The following DGKB variants were observed in gnomAD, a reference collection of about 807,000 sequenced individuals.
DGKB encodes 90 kDa diacylglycerol kinase.
DGKB carries 67 observed loss-of-function variants against 114.3 expected under a neutral mutation model. The observed-to-expected ratio is 0.59, with a 90% CI of 0.48 to 0.72. The LOEUF (loss-of-function observed/expected upper bound fraction) is 0.72, where lower values mean the gene tolerates loss of function less well. Ranked by LOEUF, DGKB falls within the 30% of genes least tolerant of loss-of-function variation. The pLI is 0.00. For synonymous variants in DGKB, 398 were observed against 323.1 expected (o/e 1.23, Z -2.49); for missense variants, 907 against 975.2 (o/e 0.93, Z 0.93).
intron 1 of DGKB, among the ~76,000 whole-genome samples, chr7:14,887,292 C>G (rs184354251): frequency 5.9e-5 from 9 of 151,934 alleles, no homozygotes; most frequent in African/African-American, 1.9e-4. Flanking sequence ...TTCTCAGCAA[C>G]AATTGACACA....
intron 21 of DGKB, among the ~76,000 whole-genome samples, chr7:14,360,909 T>C (rs1318148614): frequency 6.6e-6 from 1 of 152,132 alleles, no homozygotes; most frequent in Non-Finnish European, 1.5e-5. Context: ...AAATCAGTAA[T>C]TATGTAACAT....
chr7:14,737,167 C>T (rs1404916413), intron 4 of DGKB, among the ~76,000 whole-genome samples: 2 of 151,948 alleles, frequency 1.3e-5, no homozygotes, highest in Non-Finnish European at 2.9e-5. Context: ...GGGTTCTATC[C>T]AGTAGGGCAT....
Position 14,673,400 on chromosome 7 carries a change from CTT to C in DGKB, c.1036-375_1036-374del, listed in dbSNP as rs374138480. On this transcript the variant is annotated intron_variant, in intron 12 of 25. Coordinates refer to ENST00000402815, the MANE Select transcript of DGKB (RefSeq NM_001350709.2). ...CTTGAAACCACTGTGCCTGTGTATG[CTT>C]TTTTTTTTTTTTTTTGACCCTCCTG... 3.1e-3 allele frequency among the ~76,000 whole-genome samples: 406 copies of C among 131,006 alleles called. 2 individuals carry two copies. The highest frequency in any genetic ancestry group is 8.1e-3 in the South Asian group (34 of 4,212). The allele number at this position is 131,006 out of a possible 152,430, so 85.9% of individuals were successfully genotyped here.
chr7:14,341,814 T>A (rs1811648971), intron 22 of DGKB, among the ~76,000 whole-genome samples: 1 of 151,900 alleles, frequency 6.6e-6, no homozygotes, highest in Non-Finnish European at 1.5e-5. Flanking sequence ...ACTTAACATG[T>A]CAGTTGATAG....
chr7:14,229,626 G>A (rs1791400792), intron 23 of DGKB, among the ~76,000 whole-genome samples: 1 of 151,880 alleles, frequency 6.6e-6, no homozygotes, highest in African/African-American at 2.4e-5. Flanking sequence ...TACCACTATA[G>A]AAATGCCAGA....
At chr7:14,193,655 G>C (rs536240717) in intron 23 of DGKB, among the ~76,000 whole-genome samples, 1 of 152,228 alleles carries the variant, frequency 6.6e-6, no homozygotes, top group South Asian at 2.1e-4. Context: ...TTTTAAATAA[G>C]ATCTCAAAAG....
chr7:14,547,697 A>T (rs1794505540), intron 20 of DGKB, among the ~76,000 whole-genome samples: 1 of 152,076 alleles, frequency 6.6e-6, no homozygotes. Flanking sequence ...TGTTAAAAAA[A>T]TTCCTTAGCT....
At chr7:14,481,188 T>C (rs1377189285) in intron 20 of DGKB, among the ~76,000 whole-genome samples, 1 of 151,992 alleles carries the variant, frequency 6.6e-6, no homozygotes, top group Non-Finnish European at 1.5e-5. Context: ...TTATTAGCCA[T>C]ATGTGTCTCA....
At chr7:14,305,352 C>T (rs570613057) in intron 23 of DGKB, among the ~76,000 whole-genome samples, 11 of 152,208 alleles carry the variant, frequency 7.2e-5, no homozygotes, top group Non-Finnish European at 1.3e-4. Context: ...AATTTTTTTG[C>T]TTCTACATGT....
At chr7:14,353,010 T>A (rs1339158454) in intron 21 of DGKB, among the ~76,000 whole-genome samples, 4 of 152,192 alleles carry the variant, frequency 2.6e-5, no homozygotes, top group Admixed American at 6.5e-5. Context: ...TTAGAAAGAT[T>A]TAATGAAATG....
intron 21 of DGKB, among the ~76,000 whole-genome samples, chr7:14,351,328 A>G (rs1813387459): frequency 6.6e-6 from 1 of 152,226 alleles, no homozygotes; most frequent in African/African-American, 2.4e-5. Flanking sequence ...TTCACCAGTG[A>G]ATGAGGAGCG....
intron 23 of DGKB, among the ~76,000 whole-genome samples, chr7:14,207,497 A>G (rs894126600): frequency 6.6e-6 from 1 of 152,012 alleles, no homozygotes; most frequent in African/African-American, 2.4e-5. Flanking sequence ...TGTTGGACTC[A>G]TGCACAGAAG....
intron 23 of DGKB, among the ~76,000 whole-genome samples, chr7:14,204,371 C>CT (rs1786403911): frequency 1.3e-5 from 2 of 151,940 alleles, no homozygotes; most frequent in African/African-American, 4.8e-5. Flanking sequence ...TGCAGCTCTT[C>CT]TACACAGTTC....
chr7:14,225,668 T>C (rs781364616), intron 23 of DGKB, among the ~76,000 whole-genome samples: 2 of 151,968 alleles, frequency 1.3e-5, no homozygotes, highest in Non-Finnish European at 2.9e-5. Context: ...ATGGGTTATT[T>C]TGATCAGGTT....
At chr7:14,961,951 T>C (rs949663534) in intron 1 of DGKB, among the ~76,000 whole-genome samples, 1 of 152,114 alleles carries the variant, frequency 6.6e-6, no homozygotes, top group African/African-American at 2.4e-5. Context: ...TATTGCACAC[T>C]AATTAACCAT....
chr7:14,634,415 T>A (rs926953366), intron 13 of DGKB, among the ~76,000 whole-genome samples: 1 of 150,810 alleles, frequency 6.6e-6, no homozygotes, highest in Non-Finnish European at 1.5e-5. Flanking sequence ...GGTTTGGAAA[T>A]AAAATTATTT....
At chr7:14,749,709 GGAGT>G (rs1052758266) in intron 4 of DGKB, among the ~76,000 whole-genome samples, 3 of 152,086 alleles carry the variant, frequency 2.0e-5, no homozygotes, top group Admixed American at 2.0e-4. Context: ...CACTAGGACA[GGAGT>G]GAGTGTTACT....
chr7:14,501,596 G>A (rs1190496130), intron 20 of DGKB, among the ~76,000 whole-genome samples: 2 of 151,870 alleles, frequency 1.3e-5, no homozygotes, highest in African/African-American at 4.8e-5. Context: ...CAAGAGCTCA[G>A]AGAATCATCT....
intron 21 of DGKB, among the ~76,000 whole-genome samples, chr7:14,441,864 T>G (rs1312629031): frequency 6.6e-6 from 1 of 152,076 alleles, no homozygotes; most frequent in African/African-American, 2.4e-5. Context: ...TATTCTATTA[T>G]AAATATCCTG....
Sources: gnomAD v4.1 joint callset for allele counts (sites outside exome capture counted in the v4.1 genomes callset) on GRCh38, gnomAD v4.1.1 for gene constraint, MANE v1.5 for transcripts, NCBI Gene and HGNC (gene_info 2026-07-23, HGNC 2026-07-21) for gene names.